Variants in LIN28B observed in about 807,000 individuals in gnomAD.
LIN28B encodes the protein lin-28 RNA binding posttranscriptional regulator B.
LIN28B carries 5 observed loss-of-function variants against 21.9 expected under a neutral mutation model. That is an observed-to-expected ratio of 0.23 (90% CI 0.12 to 0.48). The LOEUF (loss-of-function observed/expected upper bound fraction) is 0.48, where lower values mean the gene tolerates loss of function less well. LIN28B is among the 20% of genes least tolerant of loss of function. LIN28B has a pLI of 0.98. For missense variants in LIN28B, 245 were observed against 310.5 expected (o/e 0.79, Z 1.58); for synonymous variants, 109 against 111.3 (o/e 0.98, Z 0.13).
chr6:105,020,373 T>A (rs1183725406), intron 2 of LIN28B, among the ~76,000 whole-genome samples: 1 of 151,952 alleles, frequency 6.6e-6, no homozygotes, highest in Non-Finnish European at 1.5e-5. Flanking sequence ...TCAGGGTCTC[T>A]GTCACCCAGG....
chr6:104,946,273 A>G (rs1388918295), intron 2 of LIN28B, among the ~76,000 whole-genome samples: 1 of 152,080 alleles, frequency 6.6e-6, no homozygotes, highest in East Asian at 1.9e-4. Flanking sequence ...TTTTAAGTAA[A>G]TTATTTTGTT....
chr6:104,988,586 T>TC (rs1436396702), intron 2 of LIN28B, among the ~76,000 whole-genome samples: 4 of 150,990 alleles, frequency 2.6e-5, no homozygotes, highest in African/African-American at 9.7e-5. Flanking sequence ...TTTTTTTTTT[T>TC]TTCTGAGACA....
At chr6:105,047,564 C>G (rs561495194) in intron 3 of LIN28B, among the ~76,000 whole-genome samples, 47 of 152,090 alleles carry the variant, frequency 3.1e-4, no homozygotes, top group African/African-American at 8.7e-4. Flanking sequence ...GAAAGTCATT[C>G]GTAGCTTGAT....
At chr6:104,993,534 C>G (rs866187619) in intron 2 of LIN28B, among the ~76,000 whole-genome samples, 5 of 152,082 alleles carry the variant, frequency 3.3e-5, no homozygotes, top group Admixed American at 6.6e-5. Flanking sequence ...TTGTTTCAGG[C>G]TTTTAAAGTT....
At chr6:105,001,176 G>A (rs1329954326) in intron 2 of LIN28B, among the ~76,000 whole-genome samples, 14 of 152,238 alleles carry the variant, frequency 9.2e-5, no homozygotes, top group Admixed American at 7.8e-4. Context: ...TTGAAGTTTT[G>A]TCTGTGGTAG....
chr6:104,957,098 G>GAAA, upstream of LIN28B: 1 of 1,548,646 alleles, frequency 6.5e-7, no homozygotes, highest in Non-Finnish European at 8.7e-7. Context: ...AGAGAGGAGA[G>GAAA]AAAAAAATCA....
intron 2 of LIN28B, among the ~76,000 whole-genome samples, chr6:105,025,607 A>G (rs1247478123): frequency 6.6e-6 from 1 of 152,216 alleles, no homozygotes; most frequent in African/African-American, 2.4e-5. Context: ...CCACATCTCT[A>G]TATAATAAAC....
At chr6:104,948,582 AAAC>A (rs1246841578) in intron 2 of LIN28B, among the ~76,000 whole-genome samples, 5 of 152,258 alleles carry the variant, frequency 3.3e-5, no homozygotes, top group Admixed American at 2.6e-4. Context: ...TCATTTCAAA[AAAC>A]AGTCACCTAG....
chr6:104,951,994 T>A (rs1247026622), intron 3 of LIN28B, among the ~76,000 whole-genome samples: 1 of 152,228 alleles, frequency 6.6e-6, no homozygotes, highest in Non-Finnish European at 1.5e-5. Context: ...TCTCATCTTT[T>A]ACCCTGCCAC....
chr6:105,009,344 C>T (rs988086781), intron 2 of LIN28B, among the ~76,000 whole-genome samples: 2 of 152,092 alleles, frequency 1.3e-5, no homozygotes, highest in Non-Finnish European at 2.9e-5. Context: ...TTATTTTAGA[C>T]TCTTTGAAGC....
chr6:104,961,938 A>G (rs1360249421), intron 2 of LIN28B, among the ~76,000 whole-genome samples: 3 of 152,146 alleles, frequency 2.0e-5, no homozygotes, highest in Admixed American at 1.3e-4. Flanking sequence ...TAAATATTAG[A>G]TCTCTTTTGG....
At chr6:105,029,528 T>C (rs1015559828) in intron 3 of LIN28B, among the ~76,000 whole-genome samples, 8 of 149,532 alleles carry the variant, frequency 5.4e-5, no homozygotes, top group African/African-American at 1.7e-4. Flanking sequence ...TTTATGCTGG[T>C]TTTTTTTTTC....
chr6:105,026,666 G>A (rs372560393), intron 3 of LIN28B, among the ~76,000 whole-genome samples, 184 bp downstream of exon 3: 18 of 152,204 alleles, frequency 1.2e-4, no homozygotes, highest in Non-Finnish European at 2.6e-4. Flanking sequence ...GTACTGAACT[G>A]AGCCTTCAGC....
At position 105,008,488 on chromosome 6, in the gene LIN28B, C is replaced by A. The variant is rs561671771; in HGVS notation, c.199-17810C>A. ...TGAAACCCCGTCTCTATTAAAAATA[C>A]AAAAAATTAGCTGGGCGTGGTGGCG... On this transcript the variant is annotated intron_variant, in intron 2 of 3. Coordinates refer to ENST00000345080, the MANE Select transcript of LIN28B (RefSeq NM_001004317.4). 1.1e-4 allele frequency among the ~76,000 whole-genome samples: 16 copies of A among 151,882 alleles called. No individual in the cohort carries two copies. In the East Asian group the frequency reaches 3.1e-3, roughly 29 times the overall value.
At chr6:105,056,665 C>G (rs1435090783) in intron 3 of LIN28B, among the ~76,000 whole-genome samples, 1 of 152,138 alleles carries the variant, frequency 6.6e-6, no homozygotes, top group Non-Finnish European at 1.5e-5. Flanking sequence ...ACCTGTGCTG[C>G]ACACATGCAA....
intron 2 of LIN28B, among the ~76,000 whole-genome samples, chr6:104,991,382 G>A (rs1770473858): frequency 6.6e-6 from 1 of 151,260 alleles, no homozygotes; most frequent in Non-Finnish European, 1.5e-5. Context: ...ACGGGGTCGC[G>A]GCCGGGCAGA....
chr6:105,040,615 A>G (rs1483753497), intron 3 of LIN28B, among the ~76,000 whole-genome samples: 1 of 152,016 alleles, frequency 6.6e-6, no homozygotes, highest in Non-Finnish European at 1.5e-5. Flanking sequence ...TTCAAAAAAA[A>G]TTCTTACTAA....
intron 2 of LIN28B, among the ~76,000 whole-genome samples, chr6:104,998,328 CATTTT>C (rs932396314): frequency 2.0e-5 from 3 of 152,032 alleles, no homozygotes; most frequent in African/African-American, 7.2e-5. Context: ...AATCTGTTAA[CATTTT>C]ATTATCATTT....
chr6:105,071,391 T>A (rs1336896567), intron 3 of LIN28B, among the ~76,000 whole-genome samples: 1 of 152,174 alleles, frequency 6.6e-6, no homozygotes, highest in Non-Finnish European at 1.5e-5. Context: ...GCAAAATGTT[T>A]TTTGGTATAT....
Sources: gnomAD v4.1 joint callset for allele counts (sites outside exome capture counted in the v4.1 genomes callset) on GRCh38, gnomAD v4.1.1 for gene constraint, MANE v1.5 for transcripts, NCBI Gene and HGNC (gene_info 2026-07-23, HGNC 2026-07-21) for gene names.